Variants in FRMD4A observed in about 807,000 individuals in gnomAD.
FRMD4A encodes the protein FERM domain-containing protein 4A.
In FRMD4A, 29 loss-of-function variants were observed where a neutral mutation model predicts 129.1. That is an observed-to-expected ratio of 0.22 (90% CI 0.17 to 0.31). The LOEUF (loss-of-function observed/expected upper bound fraction) is 0.31. Among genes scored for constraint, FRMD4A ranks in the 10% least tolerant of loss-of-function variants. The pLI is 1.00. For synonymous variants in FRMD4A, 634 were observed against 571.6 expected, an observed-to-expected ratio of 1.11 and a Z score of -1.56; for missense variants, 1,272 against 1,375.8, an observed-to-expected ratio of 0.92 and a Z score of 1.19.
At chr10:13,900,237 T>C (rs1418334505) in intron 2 of FRMD4A, among the ~76,000 whole-genome samples, 1 of 152,336 alleles carries the variant, frequency 6.6e-6, no homozygotes, top group East Asian at 1.9e-4. Context: ...TATGAAGAAA[T>C]TATCCAATGG....
At chr10:14,022,801 T>C (rs944484316) in intron 2 of FRMD4A, among the ~76,000 whole-genome samples, 2 of 152,040 alleles carry the variant, frequency 1.3e-5, no homozygotes, top group Non-Finnish European at 2.9e-5. Flanking sequence ...GTGGAGTGCA[T>C]CTTGGAGCTG....
intron 9 of FRMD4A, among the ~76,000 whole-genome samples, chr10:13,743,400 C>T (rs10737079): frequency 0.61 from 93,190 of 152,002 alleles, 29,459 homozygotes; most frequent in East Asian, 0.86. Context: ...TTTGTGAAGT[C>T]GACTCCTAGA....
chr10:14,149,501 G>A (rs756861500), intron 2 of FRMD4A, among the ~76,000 whole-genome samples: 1 of 151,608 alleles, frequency 6.6e-6, no homozygotes, highest in Non-Finnish European at 1.5e-5. Flanking sequence ...ACCATGCCTG[G>A]GTAGTTTTTG....
intron 2 of FRMD4A, among the ~76,000 whole-genome samples, chr10:14,257,822 G>A (rs1471937236): frequency 6.6e-6 from 1 of 152,190 alleles, no homozygotes; most frequent in Non-Finnish European, 1.5e-5. Flanking sequence ...CAGAGAGCTT[G>A]GCCTTGCCAA....
intron 8 of FRMD4A, among the ~76,000 whole-genome samples, chr10:13,748,515 C>G (rs768438079): frequency 1.1e-4 from 16 of 152,032 alleles, no homozygotes; most frequent in Admixed American, 9.8e-4. Flanking sequence ...TTCCTTTGAG[C>G]GTCATGTCAA....
chr10:13,782,614 T>C (rs1401725436), intron 6 of FRMD4A, among the ~76,000 whole-genome samples: 1 of 152,098 alleles, frequency 6.6e-6, no homozygotes, highest in Non-Finnish European at 1.5e-5. Flanking sequence ...TAGCTAATTT[T>C]TATATTTTTA....
At chr10:14,087,186 A>T (rs1355613507) in intron 2 of FRMD4A, among the ~76,000 whole-genome samples, 4 of 148,758 alleles carry the variant, frequency 2.7e-5, no homozygotes, top group Non-Finnish European at 5.9e-5. Context: ...ATTATATACT[A>T]CATAAATTAT....
At chr10:14,059,165 T>A (rs1288269192) in intron 2 of FRMD4A, among the ~76,000 whole-genome samples, 2 of 152,236 alleles carry the variant, frequency 1.3e-5, no homozygotes, top group Non-Finnish European at 2.9e-5. Flanking sequence ...TGAATGTCAT[T>A]GTGAAGTCTA....
chr10:13,937,632 C>T (rs900078794), intron 2 of FRMD4A, among the ~76,000 whole-genome samples: 1 of 152,170 alleles, frequency 6.6e-6, no homozygotes, highest in African/African-American at 2.4e-5. Context: ...AGCCCTGAGG[C>T]TCTTTGGGCA....
chr10:14,202,896 C>T (rs1309816928), intron 2 of FRMD4A, among the ~76,000 whole-genome samples: 1 of 152,174 alleles, frequency 6.6e-6, no homozygotes, highest in East Asian at 1.9e-4. Flanking sequence ...CTTCAGCCTC[C>T]ACAATAGCTG....
chr10:14,127,982 CTCTCTCTCTCTCTCTCTCTTT>C (rs1838979519), intron 2 of FRMD4A, among the ~76,000 whole-genome samples: 1 of 81,206 alleles, frequency 1.2e-5, no homozygotes, highest in African/African-American at 7.4e-5. Flanking sequence ...TTCTTTCCTT[CTCTCTCTCTCTCTCTCTCTTT>C]CTTTCTTTCT....
intron 2 of FRMD4A, among the ~76,000 whole-genome samples, chr10:14,203,774 C>T (rs1842705468): frequency 6.6e-6 from 1 of 152,192 alleles, no homozygotes. Flanking sequence ...ATGCTCTATC[C>T]TGACTTGCTA....
At chr10:13,938,077 T>G (rs1236275963) in intron 2 of FRMD4A, among the ~76,000 whole-genome samples, 2 of 152,366 alleles carry the variant, frequency 1.3e-5, no homozygotes, top group African/African-American at 4.8e-5. Flanking sequence ...CTGTGCTATT[T>G]ATTTGCCCCT....
chr10:14,130,843 C>G (rs887588560), intron 2 of FRMD4A, among the ~76,000 whole-genome samples: 2 of 152,182 alleles, frequency 1.3e-5, no homozygotes, highest in Non-Finnish European at 2.9e-5. Flanking sequence ...GCCCCTGGCT[C>G]TTACTAGGCC....
At chr10:14,280,764 G>A (rs10906645) in intron 2 of FRMD4A, among the ~76,000 whole-genome samples, 6,938 of 152,130 alleles carry the variant, frequency 0.046, 206 homozygotes, top group South Asian at 0.12. Flanking sequence ...AAGAACCTGA[G>A]TGAAAAGTGT....
chr10:14,218,190 CTGTT>C (rs201092255), intron 2 of FRMD4A, among the ~76,000 whole-genome samples: 1,631 of 152,268 alleles, frequency 0.011, 20 homozygotes, highest in Middle Eastern at 0.024. Flanking sequence ...TATCATGATT[CTGTT>C]TGTTTAAATT....
chr10:14,158,800 G>C (rs1840731741), intron 2 of FRMD4A, among the ~76,000 whole-genome samples: 1 of 142,634 alleles, frequency 7.0e-6, no homozygotes, highest in South Asian at 2.3e-4. Context: ...AGGAAGAAGA[G>C]AAGAAGGAAG....
intron 2 of FRMD4A, among the ~76,000 whole-genome samples, chr10:13,942,519 G>T (rs138717137): frequency 6.6e-6 from 1 of 152,190 alleles, no homozygotes; most frequent in Non-Finnish European, 1.5e-5. Context: ...CATATGGCTG[G>T]CATTTTGCTG....
intron 3 of FRMD4A, among the ~76,000 whole-genome samples, chr10:13,850,569 G>A (rs997386094): frequency 5.3e-5 from 8 of 152,238 alleles, no homozygotes; most frequent in African/African-American, 1.7e-4. Context: ...TCACAGGAAT[G>A]AAATGACCTG....
Sources: gnomAD v4.1 joint callset for allele counts (sites outside exome capture counted in the v4.1 genomes callset) on GRCh38, gnomAD v4.1.1 for gene constraint, MANE v1.5 for transcripts, NCBI Gene and HGNC (gene_info 2026-07-23, HGNC 2026-07-21) for gene names.